The following SRBD1 variants were observed in gnomAD, a reference collection of about 807,000 sequenced individuals.
SRBD1 encodes S1 RNA binding domain 1, also known as S1 RNA-binding domain-containing protein 1.
A neutral mutation model predicts 115.3 loss-of-function variants in SRBD1; 88 were observed. The ratio of observed to expected loss-of-function variants is 0.76; its 90% CI spans 0.64 to 0.91. The LOEUF (loss-of-function observed/expected upper bound fraction) is 0.91. Among genes scored for constraint, SRBD1 ranks in the 40% least tolerant of loss-of-function variants. The probability of loss-of-function intolerance (pLI) is 0.00; values close to 1 mark genes in which losing one functional copy is unlikely to be tolerated. For missense variants in SRBD1, 1,385 were observed against 1,177.4 expected (o/e 1.18, Z -2.58); for synonymous variants, 509 against 407.7 (o/e 1.25, Z -2.99).
intron 14 of SRBD1, among the ~76,000 whole-genome samples, chr2:45,498,747 T>C (rs1670537656): frequency 6.6e-6 from 1 of 152,192 alleles, no homozygotes; most frequent in Non-Finnish European, 1.5e-5. Flanking sequence ...CATGCAATAT[T>C]TGTCTTTCCA....
chr2:45,464,294 C>T (rs1419628450), intron 16 of SRBD1, among the ~76,000 whole-genome samples: 1 of 152,150 alleles, frequency 6.6e-6, no homozygotes. Flanking sequence ...AGAACTCCCA[C>T]AGAAAGATCC....
At chr2:45,543,038 A>G (rs1671996919) in intron 14 of SRBD1, among the ~76,000 whole-genome samples, 1 of 152,258 alleles carries the variant, frequency 6.6e-6, no homozygotes, top group Non-Finnish European at 1.5e-5. Flanking sequence ...CCATATGTCA[A>G]AAGATTGAAA....
intron 15 of SRBD1, among the ~76,000 whole-genome samples, chr2:45,483,226 G>A (rs1475316649): frequency 6.6e-6 from 1 of 152,030 alleles, no homozygotes; most frequent in African/African-American, 2.4e-5. Flanking sequence ...TTTAATAAAT[G>A]CTAATTTATT....
chr2:45,422,769 G>A (rs951453223), intron 16 of SRBD1, among the ~76,000 whole-genome samples: 3 of 152,174 alleles, frequency 2.0e-5, no homozygotes, highest in South Asian at 2.1e-4. Context: ...TTTCAACCAA[G>A]TTTAGTTAAA....
At chr2:45,465,054 C>A (rs1669442725) in intron 16 of SRBD1, among the ~76,000 whole-genome samples, 1 of 142,678 alleles carries the variant, frequency 7.0e-6, no homozygotes, top group Non-Finnish European at 1.5e-5. Flanking sequence ...CACACAGAGT[C>A]ATCCCCTGGT....
intron 14 of SRBD1, among the ~76,000 whole-genome samples, chr2:45,493,188 C>G (rs1373787773): frequency 1.3e-5 from 2 of 152,176 alleles, no homozygotes; most frequent in Non-Finnish European, 2.9e-5. Flanking sequence ...ACTTGTCAGA[C>G]TGAGAAACAT....
intron 14 of SRBD1, among the ~76,000 whole-genome samples, chr2:45,545,554 A>G (rs1219757690): frequency 1.3e-5 from 2 of 152,186 alleles, no homozygotes; most frequent in African/African-American, 4.8e-5. Flanking sequence ...AAGGTACCTG[A>G]AATAAACTGA....
chr2:45,512,405 C>G (rs1670996869), intron 14 of SRBD1, among the ~76,000 whole-genome samples: 1 of 152,078 alleles, frequency 6.6e-6, no homozygotes, highest in Non-Finnish European at 1.5e-5. Flanking sequence ...CATCACTTAC[C>G]CAATGAAAAG....
chr2:45,419,775 A>G lies in SRBD1; in HGVS notation c.2156+13T>C, dbSNP rs1667942149. On this transcript the variant is annotated intron_variant, in intron 17 of 20. Transcript: ENST00000263736. ...TCAAGATTCTGTGATCTTCAGCCAC[A>G]TATTTGTCTCACCTTAACAAAACTT... 1.9e-6 allele frequency: 3 copies of G among 1,611,206 alleles called. No individual in the cohort carries two copies. Among genetic ancestry groups the G allele is most frequent in the African/African-American group, 2.7e-5 (2 of 74,884 alleles).
intron 3 of SRBD1, among the ~76,000 whole-genome samples, chr2:45,600,410 A>G (rs1337212394): frequency 6.6e-6 from 1 of 152,184 alleles, no homozygotes; most frequent in Non-Finnish European, 1.5e-5. Flanking sequence ...AAAATGAGTA[A>G]AGGATAGGTC....
chr2:45,390,468 G>A (rs1666965283), intron 20 of SRBD1, among the ~76,000 whole-genome samples: 1 of 152,158 alleles, frequency 6.6e-6, no homozygotes, highest in African/African-American at 2.4e-5. Flanking sequence ...GTTTTTATGA[G>A]GGAGACAGTT....
At chr2:45,512,963 G>A (rs1213310200) in intron 14 of SRBD1, among the ~76,000 whole-genome samples, 1 of 152,118 alleles carries the variant, frequency 6.6e-6, no homozygotes, top group Non-Finnish European at 1.5e-5. Flanking sequence ...GAAGGACCAA[G>A]CAAGCACACA....
chr2:45,484,293 C>A (rs1670050710), intron 15 of SRBD1, among the ~76,000 whole-genome samples: 1 of 152,152 alleles, frequency 6.6e-6, no homozygotes, highest in Non-Finnish European at 1.5e-5. Flanking sequence ...CTGGCCATTT[C>A]TTTGTGGTAC....
intron 16 of SRBD1, among the ~76,000 whole-genome samples, chr2:45,455,895 G>A (rs1381464714): frequency 6.6e-6 from 1 of 151,734 alleles, no homozygotes; most frequent in African/African-American, 2.4e-5. Context: ...TTGCCACAAA[G>A]ACACATTTAT....
At chr2:45,577,712 AG>A (rs1673223693) in intron 7 of SRBD1, among the ~76,000 whole-genome samples, 1 of 152,214 alleles carries the variant, frequency 6.6e-6, no homozygotes, top group Non-Finnish European at 1.5e-5. Context: ...CAGGAATGAT[AG>A]GAATTATGAA....
intron 18 of SRBD1, among the ~76,000 whole-genome samples, chr2:45,415,672 GGGAGGGGAGGGGACGGGAGA>G (rs1421887683): frequency 9.5e-5 from 3 of 31,708 alleles, no homozygotes; most frequent in South Asian, 1.4e-3. Context: ...GGGAGGGGAG[GGGAGGGGAGGGGACGGGAGA>G]GGAGAGGAGA....
chr2:45,557,897 T>G (rs1672533266), intron 10 of SRBD1, among the ~76,000 whole-genome samples: 1 of 152,170 alleles, frequency 6.6e-6, no homozygotes, highest in Non-Finnish European at 1.5e-5. Flanking sequence ...GCAAAACACA[T>G]GCTATGTATG....
intron 16 of SRBD1, among the ~76,000 whole-genome samples, chr2:45,429,020 T>G (rs1668248925): frequency 6.6e-6 from 1 of 152,118 alleles, no homozygotes; most frequent in Admixed American, 6.6e-5. Context: ...TATAAACACC[T>G]TTACGCAAAT....
At chr2:45,492,043 A>G (rs1259406081) in intron 14 of SRBD1, among the ~76,000 whole-genome samples, 2 of 151,962 alleles carry the variant, frequency 1.3e-5, no homozygotes, top group African/African-American at 2.4e-5. Context: ...GCTGATCAGA[A>G]CTCCCAACCT....
Sources: gnomAD v4.1 joint callset for allele counts (sites outside exome capture counted in the v4.1 genomes callset) on GRCh38, gnomAD v4.1.1 for gene constraint, MANE v1.5 for transcripts, NCBI Gene and HGNC (gene_info 2026-07-23, HGNC 2026-07-21) for gene names.